Variants in ATP6V1E1 observed in about 807,000 individuals in gnomAD.
ATP6V1E1 encodes the protein V-type proton ATPase subunit E 1.
In ATP6V1E1, 21 loss-of-function variants were observed where a neutral mutation model predicts 35.2. The ratio of observed to expected loss-of-function variants is 0.60; its 90% confidence interval spans 0.42 to 0.86. The LOEUF (loss-of-function observed/expected upper bound fraction) is 0.86. ATP6V1E1 is among the 40% of genes least tolerant of loss of function. The pLI is 0.00. For missense variants in ATP6V1E1, 183 were observed against 272.6 expected (o/e 0.67, Z 2.32); for synonymous variants, 83 against 87.8 (o/e 0.95, Z 0.30).
intron 1 of ATP6V1E1, among the ~76,000 whole-genome samples, chr22:17,628,129 C>T (rs1303844266): frequency 6.6e-6 from 1 of 151,878 alleles, no homozygotes; most frequent in East Asian, 2.0e-4. Flanking sequence ...CCACGTCCGG[C>T]TAATTTTCTA....
chr22:17,597,957 GT>G (rs2057740882), intron 7 of ATP6V1E1: 1 of 482,994 alleles, frequency 2.1e-6, no homozygotes, highest in Non-Finnish European at 3.7e-6. Context: ...GATTACAGGC[GT>G]GAGCCACCGC....
At chr22:17,618,681 C>CAAAAAAAAAAAAAA (rs796136446) in intron 2 of ATP6V1E1, among the ~76,000 whole-genome samples, 1 of 72,388 alleles carries the variant, frequency 1.4e-5, no homozygotes, top group African/African-American at 4.2e-5. Flanking sequence ...GACTCCATCT[C>CAAAAAAAAAAAAAA]AAAAAAAAAA....
intron 1 of ATP6V1E1, among the ~76,000 whole-genome samples, chr22:17,620,924 T>A (rs1451024100): frequency 3.3e-5 from 5 of 151,906 alleles, no homozygotes; most frequent in Non-Finnish European, 7.4e-5. Flanking sequence ...TTAGCCGGCG[T>A]GGTGGCGGGC....
chr22:17,599,650 T>C (rs1601374455), intron 6 of ATP6V1E1, among the ~76,000 whole-genome samples: 1 of 140,902 alleles, frequency 7.1e-6, no homozygotes, highest in Non-Finnish European at 1.5e-5. Flanking sequence ...CCAGGCGCGG[T>C]GGCTCATGCC....
chr22:17,613,749 C>T (rs377159682), intron 2 of ATP6V1E1, among the ~76,000 whole-genome samples: 6 of 151,874 alleles, frequency 4.0e-5, no homozygotes, highest in South Asian at 2.1e-4. Flanking sequence ...GGGTGGATCA[C>T]GAGGTCAGGA....
At chr22:17,599,984 A>C in intron 6 of ATP6V1E1, 43 bp downstream of exon 6, 4 of 1,131,334 alleles carry the variant, frequency 3.5e-6, no homozygotes, top group Non-Finnish European at 3.6e-6. Flanking sequence ...GAAGAAAGGG[A>C]GGGGGGAGGG....
chr22:17,596,258 AAATTTGATTCTC>A (rs1426701683), intron 7 of ATP6V1E1, among the ~76,000 whole-genome samples: 1 of 152,200 alleles, frequency 6.6e-6, no homozygotes, highest in Non-Finnish European at 1.5e-5. Context: ...ACTAATGGTG[AAATTTGATTCTC>A]AATGTGGCAG....
intron 4 of ATP6V1E1, among the ~76,000 whole-genome samples, chr22:17,612,280 T>G (rs1162503523): frequency 3.3e-5 from 5 of 152,078 alleles, no homozygotes; most frequent in Non-Finnish European, 4.4e-5. Context: ...ATAATCCAAA[T>G]AGCTCTACAC....
chr22:17,594,574 C>G lies in ATP6V1E1; in HGVS notation c.573G>C (p.Lys191Asn), dbSNP rs906876439. ...VEIYNGDRKI[K>N]VSNTLESRLD... ...GCCGGCTTTCCAGGGTGTTGGAAAC[C>G]TTTATTTTACGATCTCCATTATAGA... Residue 191 changes from lysine (K) to asparagine (N), a missense_variant, in exon 8 of 9, where the codon AAG becomes AAC. Lys to Asn is a moderately conservative substitution (Grantham distance 94). Coordinates refer to ENST00000253413, the MANE Select transcript of ATP6V1E1 (RefSeq NM_001696.4). 8 of 1,596,328 alleles carry G rather than the reference C, an allele frequency of 5.0e-6. No individual in the cohort carries two copies. The African/African-American group carries it at 5.4e-5, about 11-fold the overall frequency.
At chr22:17,626,607 C>T (rs568328598) in intron 1 of ATP6V1E1, among the ~76,000 whole-genome samples, 362 of 151,292 alleles carry the variant, frequency 2.4e-3, no homozygotes, top group Non-Finnish European at 4.3e-3. Flanking sequence ...TCTCGCCTCA[C>T]CATAACCTCC....
intron 2 of ATP6V1E1, among the ~76,000 whole-genome samples, chr22:17,616,979 C>A (rs1189128009): frequency 2.5e-5 from 2 of 81,272 alleles, no homozygotes; most frequent in Non-Finnish European, 5.5e-5. Context: ...ACCCGGGAGG[C>A]GGAGCTTGCA....
intron 7 of ATP6V1E1, among the ~76,000 whole-genome samples, chr22:17,595,469 T>C (rs1017390077): frequency 3.3e-5 from 5 of 152,158 alleles, no homozygotes; most frequent in Admixed American, 1.3e-4. Flanking sequence ...ATCTGAATGT[T>C]TTCTTAAGCC....
chr22:17,601,653 GCTGGAGTGCAATGGTGCAAT>G (rs1156696854), intron 4 of ATP6V1E1, among the ~76,000 whole-genome samples: 1 of 152,168 alleles, frequency 6.6e-6, no homozygotes, highest in East Asian at 1.9e-4. Context: ...TCTAACCCAG[GCTGGAGTGCAATGGTGCAAT>G]CTCGGCTCAC....
At position 17,601,249 on chromosome 22, in the gene ATP6V1E1, G is replaced by T. The variant is rs771353525; in HGVS notation, c.277-68C>A. On this transcript the variant is annotated intron_variant, in intron 4 of 8. Coordinates refer to ENST00000253413, the MANE Select transcript of ATP6V1E1 (RefSeq NM_001696.4). ...CAGTCGGCTCAGAACCCACTGTGAG[G>T]CTGATCCTGGCTCATGCCCAGCTGC... The T allele has an allele frequency of 8.0e-6, 10 of 1,247,456 alleles. No homozygotes were observed. In the South Asian group the frequency reaches 1.2e-4, roughly 15 times the overall value. 77.3% of individuals were successfully genotyped at this position (1,247,456 alleles called of 1,614,324 possible).
intron 4 of ATP6V1E1, among the ~76,000 whole-genome samples, chr22:17,607,978 CCT>C (rs937614155): frequency 6.6e-6 from 1 of 152,186 alleles, no homozygotes; most frequent in African/African-American, 2.4e-5. Flanking sequence ...TGCCAGACTA[CCT>C]CTGTTTCCCG....
chr22:17,594,670 C>A, intron 7 of ATP6V1E1, 54 bp from the exon 8 acceptor site: 1 of 1,416,448 alleles, frequency 7.1e-7, no homozygotes, highest in South Asian at 1.4e-5. Context: ...GAGAAAGATA[C>A]ATGGTACCCT....
At chr22:17,595,859 G>A (rs541484290) in intron 7 of ATP6V1E1, among the ~76,000 whole-genome samples, 9 of 152,056 alleles carry the variant, frequency 5.9e-5, no homozygotes, top group East Asian at 3.9e-4. Flanking sequence ...GGCTGGGTGC[G>A]GTGGCTCACG....
rs573165721 is a variant in ATP6V1E1, at chr22:17,619,537, A to C, written c.34-11T>G. The C allele has an allele frequency of 1.9e-6, 3 of 1,562,764 alleles. No homozygotes were observed. In the South Asian group the frequency reaches 3.6e-5, roughly 19 times the overall value. ...CATCATATGCTTTATCTATAAGGAA[A>C]AAAAGTTTTATTTTTTAGTTCAAAA... is the stretch of plus-strand genomic sequence containing the variant. On this transcript the variant is annotated splice_polypyrimidine_tract_variant and intron_variant, in intron 1 of 8. Coordinates refer to ENST00000253413, the MANE Select transcript of ATP6V1E1 (RefSeq NM_001696.4).
chr22:17,628,556 C>G (rs1325456865), intron 1 of ATP6V1E1, 47 bp downstream of exon 1: 2 of 1,613,444 alleles, frequency 1.2e-6, no homozygotes, highest in Non-Finnish European at 1.7e-6. Flanking sequence ...CAGCCCACTC[C>G]CCGGGACTGC....
Sources: allele counts gnomAD v4.1 joint callset (sites outside exome capture counted in the v4.1 genomes callset), GRCh38; gene constraint gnomAD v4.1.1; transcripts MANE v1.5; gene names NCBI Gene and HGNC (gene_info 2026-07-23, HGNC 2026-07-21).